SYTL3: variants seen among roughly 807,000 people sequenced by gnomAD.
The protein encoded by SYTL3 is synaptotagmin like 3, also known as synaptotagmin-like protein 3.
A neutral mutation model predicts 82.1 loss-of-function variants in SYTL3; 88 were observed. The ratio of observed to expected loss-of-function variants is 1.07; its 90% CI spans 0.90 to 1.28. The LOEUF (loss-of-function observed/expected upper bound fraction) is 1.28. Ranked by LOEUF, SYTL3 falls within the 50% of genes most tolerant of loss-of-function variation. The pLI, the probability that SYTL3 is intolerant of heterozygous loss-of-function variation, is 0.00. For missense variants in SYTL3, 831 were observed against 757.6 expected (o/e 1.10, Z -1.14); for synonymous variants, 311 against 289.4 (o/e 1.07, Z -0.76).
intron 11 of SYTL3, among the ~76,000 whole-genome samples, chr6:158,731,970 C>T (rs540751858): frequency 1.3e-5 from 2 of 152,150 alleles, no homozygotes; most frequent in African/African-American, 4.8e-5. Context: ...ATTTACATAA[C>T]CAAAAACAGC....
chr6:158,757,595 C>A (rs1317912968), intron 14 of SYTL3, among the ~76,000 whole-genome samples: 3 of 127,818 alleles, frequency 2.3e-5, no homozygotes, highest in Non-Finnish European at 5.0e-5. Flanking sequence ...GTTCAGGTAC[C>A]CGAACAGCCC....
intron 3 of SYTL3, among the ~76,000 whole-genome samples, chr6:158,661,822 TC>T (rs1229285240): frequency 2.6e-5 from 4 of 152,246 alleles, no homozygotes; most frequent in Admixed American, 2.6e-4. Context: ...AGACATTGTT[TC>T]TATTCATCAC....
chr6:158,673,185 C>T (rs1777597826), intron 5 of SYTL3, among the ~76,000 whole-genome samples: 1 of 152,104 alleles, frequency 6.6e-6, no homozygotes, highest in Admixed American at 6.5e-5. Flanking sequence ...GCCTTGGCCT[C>T]TCGAAGTGCT....
chr6:158,663,634 G>C, intron 4 of SYTL3: 1 of 984,110 alleles, frequency 1.0e-6, no homozygotes, highest in Non-Finnish European at 1.2e-6. Flanking sequence ...CGGTAAGTTT[G>C]CTGTCTGCCA....
intron 6 of SYTL3, among the ~76,000 whole-genome samples, chr6:158,692,093 T>TA (rs1779945444): frequency 6.8e-6 from 1 of 147,032 alleles, no homozygotes; most frequent in South Asian, 2.1e-4. Context: ...CCGTCTCTAC[T>TA]AAAAATACAC....
chr6:158,704,057 C>T (rs1781656588), intron 6 of SYTL3, among the ~76,000 whole-genome samples: 1 of 151,780 alleles, frequency 6.6e-6, no homozygotes, highest in African/African-American at 2.4e-5. Flanking sequence ...GAACTTCTGG[C>T]CTCAAGTGAT....
At chr6:158,764,285 C>T (rs956925108) in intron 17 of SYTL3, among the ~76,000 whole-genome samples, 2 of 152,176 alleles carry the variant, frequency 1.3e-5, no homozygotes, top group African/African-American at 2.4e-5. Flanking sequence ...GTTAGAGCCT[C>T]GCAGAGCAGA....
At chr6:158,693,859 T>TCTTTTCTTTTTC (rs1554251460) in intron 6 of SYTL3, among the ~76,000 whole-genome samples, 2 of 102,198 alleles carry the variant, frequency 2.0e-5, no homozygotes, top group African/African-American at 8.8e-5. Context: ...TCTTTTCTTT[T>TCTTTTCTTTTTC]TTTTTTTTTT....
In SYTL3 at chr6:158,762,159, T is replaced by C. The variant is rs1227690397; in HGVS notation, c.1498T>C (p.Leu500=). The C allele has an allele frequency of 2.5e-6, 4 of 1,613,296 alleles. No homozygotes were observed. Among genetic ancestry groups the C allele is most frequent in the Admixed American group, 3.3e-5 (2 of 59,958 alleles). Residue 500 remains leucine, a synonymous_variant, in exon 16 of 18, where the codon TTG becomes CTG. Coordinates refer to ENST00000611299, the MANE Select transcript of SYTL3 (RefSeq NM_001242394.2). ...KNLPVRPDGT[L]NSFVKGCLTL... is the part of the protein sequence containing the mutation. ...TTTACCTGTGCGGCCAGATGGCACC[T>C]TGAACTCATTTGTTAAGGGGTAGGT... is the stretch of plus-strand genomic sequence containing the variant.
intron 11 of SYTL3, among the ~76,000 whole-genome samples, chr6:158,730,842 C>T (rs1401122778): frequency 6.6e-6 from 1 of 152,190 alleles, no homozygotes; most frequent in Non-Finnish European, 1.5e-5. Context: ...GTAAAGCATT[C>T]CTTAGGACTG....
intron 6 of SYTL3, among the ~76,000 whole-genome samples, chr6:158,706,090 T>C (rs1177446351): frequency 1.3e-5 from 2 of 152,142 alleles, no homozygotes; most frequent in African/African-American, 4.8e-5. Context: ...TACCTTTTCA[T>C]TCTGTCTTAG....
At chr6:158,730,542 G>A (rs765394087) in intron 11 of SYTL3, among the ~76,000 whole-genome samples, 4 of 152,152 alleles carry the variant, frequency 2.6e-5, no homozygotes, top group South Asian at 2.1e-4. Flanking sequence ...ATGAGGAGGC[G>A]CCCCACTGCC....
chr6:158,678,844 T>G (rs1453262477), intron 5 of SYTL3, among the ~76,000 whole-genome samples: 1 of 152,194 alleles, frequency 6.6e-6, no homozygotes, highest in East Asian at 1.9e-4. Context: ...TTTAAAGAAG[T>G]GAGTCATGAT....
At chr6:158,735,190 C>T (rs773256238) in intron 11 of SYTL3, among the ~76,000 whole-genome samples, 2 of 152,080 alleles carry the variant, frequency 1.3e-5, no homozygotes, top group East Asian at 1.9e-4. Flanking sequence ...TGAGCAAATC[C>T]ATCTTAGTCC....
At chr6:158,764,091 A>G (rs531877775) in intron 17 of SYTL3, among the ~76,000 whole-genome samples, 1 of 152,358 alleles carries the variant, frequency 6.6e-6, no homozygotes, top group South Asian at 2.1e-4. Flanking sequence ...CTTTTCAAAG[A>G]TATTTTGTCC....
chr6:158,700,602 G>C (rs993694715), intron 6 of SYTL3, among the ~76,000 whole-genome samples: 1 of 151,042 alleles, frequency 6.6e-6, no homozygotes, highest in Admixed American at 6.6e-5. Flanking sequence ...GGTTGCTACT[G>C]ATGTTGTATG....
chr6:158,681,535 G>A (rs940184305), intron 5 of SYTL3, among the ~76,000 whole-genome samples: 7 of 152,146 alleles, frequency 4.6e-5, no homozygotes, highest in South Asian at 2.1e-4. Context: ...AAAATTAGCC[G>A]GGTGTGGTGG....
At chr6:158,711,975 T>A (rs1782812530) in intron 8 of SYTL3, among the ~76,000 whole-genome samples, 1 of 152,222 alleles carries the variant, frequency 6.6e-6, no homozygotes, top group Non-Finnish European at 1.5e-5. Flanking sequence ...ATCCTGTGAC[T>A]TAGAATGCCT....
intron 12 of SYTL3, among the ~76,000 whole-genome samples, chr6:158,746,357 A>G (rs1202571994): frequency 6.6e-6 from 1 of 151,842 alleles, no homozygotes; most frequent in African/African-American, 2.4e-5. Context: ...AGGAAATACA[A>G]AATTAAAATC....
Sources: allele counts gnomAD v4.1 joint callset (sites outside exome capture counted in the v4.1 genomes callset), GRCh38; gene constraint gnomAD v4.1.1; transcripts MANE v1.5; gene names NCBI Gene and HGNC (gene_info 2026-07-23, HGNC 2026-07-21).